The following CNGA3 variants were observed in gnomAD, a reference collection of about 807,000 sequenced individuals.
CNGA3 encodes the protein cyclic nucleotide-gated channel alpha-3.
In CNGA3, 42 loss-of-function variants were observed where a neutral mutation model predicts 46.6. The observed-to-expected ratio is 0.90, with a 90% CI of 0.70 to 1.17. The LOEUF is 1.17. CNGA3 is among the 50% of genes most tolerant of loss of function. CNGA3 has a pLI of 0.00. For synonymous variants in CNGA3, 394 were observed against 369.4 expected, an observed-to-expected ratio of 1.07 and a Z score of -0.76; for missense variants, 893 against 890.7, an observed-to-expected ratio of 1.00 and a Z score of -0.03.
rs766331925 is a variant in CNGA3, at chr2:98,396,122, G to A, written c.952G>A (p.Ala318Thr). Reference protein sequence around the residue: ...LYILIIIHWNACIYFAISKFI... With the variant: ...LYILIIIHWNTCIYFAISKFI... ...CATTCTCATCATCATCCACTGGAAT[G>A]CCTGCATCTACTTTGCCATTTCCAA... The change falls in exon 8 of 8, where the codon GCC (alanine) becomes ACC (threonine). Residue 318 changes from alanine (A) to threonine (T), a missense_variant. By Grantham distance (58) the Ala-to-Thr change is moderately conservative. Coordinates refer to ENST00000272602, the MANE Select transcript of CNGA3 (RefSeq NM_001298.3). The A allele has an allele frequency of 8.7e-6, 14 of 1,614,210 alleles. No individual in the cohort carries two copies. In the South Asian group the frequency reaches 1.4e-4, roughly 16 times the overall value.
intron 7 of CNGA3, 147 bp downstream of exon 7, chr2:98,392,117 C>A (rs562081454): frequency 2.8e-5 from 20 of 716,398 alleles, no homozygotes; most frequent in Non-Finnish European, 4.4e-5. Flanking sequence ...GTAGGTGGTG[C>A]GGCCTCAAGC....
In CNGA3 at chr2:98,380,201, G is replaced by A. The variant is rs149230055; in HGVS notation, c.242G>A (p.Arg81His). Residue 81 changes from arginine (R) to histidine (H), a missense_variant, in exon 4 of 8, where the codon CGC becomes CAC. Around this residue, in one of 3 missense-constraint regions of CNGA3, gnomAD observed 333 missense variants for 290.8 expected, o/e 1.15. Coordinates refer to ENST00000272602, the MANE Select transcript of CNGA3 (RefSeq NM_001298.3). ...ARLSRLIFLL[R>H]RWAARHVHHQ... ...CTGTCGCGCCTCATCTTCTTGCTGC[G>A]CAGGTGGGCTGCCAGGCATGTGCAC... 98 of 1,614,188 alleles carry A rather than the reference G, an allele frequency of 6.1e-5. 1 individual carries two copies. In the African/African-American group the frequency reaches 7.5e-4, roughly 12 times the overall value.
chr2:98,379,917 A>G, intron 3 of CNGA3: 1 of 565,602 alleles, frequency 1.8e-6, no homozygotes, highest in Non-Finnish European at 3.2e-6. Flanking sequence ...GGTAATAAAG[A>G]GAGTGTCCCT....
chr2:98,373,467 T>G (rs987895926), intron 2 of CNGA3, among the ~76,000 whole-genome samples: 2 of 152,128 alleles, frequency 1.3e-5, no homozygotes, highest in Non-Finnish European at 2.9e-5. Flanking sequence ...CCTCGCTGAG[T>G]GCCCCCAAGA....
intron 1 of CNGA3, among the ~76,000 whole-genome samples, chr2:98,365,712 T>C (rs952626355): frequency 6.6e-6 from 1 of 152,214 alleles, no homozygotes; most frequent in Non-Finnish European, 1.5e-5. Context: ...CATTGATACT[T>C]GTGAAGTTCT....
intron 1 of CNGA3, among the ~76,000 whole-genome samples, chr2:98,353,430 GT>G (rs1691811865): frequency 6.6e-6 from 1 of 152,146 alleles, no homozygotes; most frequent in Non-Finnish European, 1.5e-5. Flanking sequence ...GCATTGTAGG[GT>G]TTTATTATAT....
chr2:98,373,141 G>T (rs1396256569), intron 2 of CNGA3, among the ~76,000 whole-genome samples: 1 of 152,122 alleles, frequency 6.6e-6, no homozygotes, highest in Non-Finnish European at 1.5e-5. Context: ...AGGGATGGAG[G>T]CTGGGCCCAG....
chr2:98,369,067 C>T (rs187565885), intron 1 of CNGA3, among the ~76,000 whole-genome samples: 3 of 152,326 alleles, frequency 2.0e-5, no homozygotes, highest in Non-Finnish European at 2.9e-5. Flanking sequence ...CTCATTCTAA[C>T]TTGGTGGCTG....
chr2:98,367,504 G>T (rs956607575), intron 1 of CNGA3, among the ~76,000 whole-genome samples: 2 of 152,096 alleles, frequency 1.3e-5, no homozygotes, highest in African/African-American at 4.8e-5. Flanking sequence ...GACCTCAGCT[G>T]TTTCTAGTCA....
At chr2:98,370,218 C>T in intron 2 of CNGA3, 142 bp downstream of exon 2, 1 of 716,294 alleles carries the variant, frequency 1.4e-6, no homozygotes, top group South Asian at 1.5e-5. Context: ...GCACTGCCAA[C>T]TTCATTTTTC....
chr2:98,392,369 G>A (rs1307179118), intron 7 of CNGA3, among the ~76,000 whole-genome samples: 1 of 152,144 alleles, frequency 6.6e-6, no homozygotes, highest in Admixed American at 6.5e-5. Context: ...AGACCAGCCT[G>A]GCCAACATGG....
chr2:98,395,192 CAG>C (rs1424564884), intron 7 of CNGA3, among the ~76,000 whole-genome samples: 2 of 151,744 alleles, frequency 1.3e-5, no homozygotes, highest in Non-Finnish European at 2.9e-5. Context: ...TTCAAAGACT[CAG>C]AGTCTCACTC....
At chr2:98,371,959 C>T (rs566195054) in intron 2 of CNGA3, among the ~76,000 whole-genome samples, 5 of 152,322 alleles carry the variant, frequency 3.3e-5, no homozygotes, top group African/African-American at 1.2e-4. Context: ...GATTTTGAAG[C>T]AGAATGGAAC....
Position 98,380,271 on chromosome 2 carries a change from A to T in CNGA3, c.312A>T (p.Gly104=), listed in dbSNP as rs200853632. The part of the protein sequence containing the change: ...GPDSFPDRFR[G]AELKEVSSQE... ...ACTCTTTTCCTGATCGTTTCCGTGG[A>T]GCCGAGCTTAAGGAGGTGTCCAGCC... Residue 104 remains glycine (G), a synonymous_variant, in exon 4 of 8, where the codon GGA becomes GGT. Coordinates refer to ENST00000272602, the MANE Select transcript of CNGA3 (RefSeq NM_001298.3). 1.9e-6 allele frequency: 3 copies of T among 1,614,152 alleles called. No homozygotes were observed. The highest frequency in any genetic ancestry group is 2.5e-6 in the Non-Finnish European group (3 of 1,180,038).
chr2:98,359,592 G>C (rs950160604), intron 1 of CNGA3, among the ~76,000 whole-genome samples: 1 of 152,174 alleles, frequency 6.6e-6, no homozygotes, highest in Non-Finnish European at 1.5e-5. Flanking sequence ...CCTTGGAGTT[G>C]AGCCTGAGAG....
intron 3 of CNGA3, among the ~76,000 whole-genome samples, chr2:98,379,596 C>A (rs1692492160): frequency 6.6e-6 from 1 of 152,180 alleles, no homozygotes; most frequent in Admixed American, 6.5e-5. Flanking sequence ...TGCAAAGGAA[C>A]CTCCCAGGCC....
At chr2:98,359,631 G>C (rs1045793404) in intron 1 of CNGA3, among the ~76,000 whole-genome samples, 1 of 152,166 alleles carries the variant, frequency 6.6e-6, no homozygotes, top group Non-Finnish European at 1.5e-5. Context: ...GCTGATCTCT[G>C]GTTCCCTGCC....
At chr2:98,385,871 A>T (rs1218165467) in intron 5 of CNGA3, among the ~76,000 whole-genome samples, 1 of 152,130 alleles carries the variant, frequency 6.6e-6, no homozygotes, top group African/African-American at 2.4e-5. Flanking sequence ...AAGGTGGGGT[A>T]GGTGCCGTAA....
intron 1 of CNGA3, among the ~76,000 whole-genome samples, chr2:98,360,552 A>ATT: frequency 1.1e-5 from 1 of 92,774 alleles, no homozygotes; most frequent in East Asian, 2.9e-4. Flanking sequence ...GCTCTCTAAT[A>ATT]AAGCCCCAGC....
Sources: gnomAD v4.1 joint callset for allele counts (sites outside exome capture counted in the v4.1 genomes callset) on GRCh38, gnomAD v4.1.1 for gene constraint, gnomAD v4.1.1 regional missense constraint, MANE v1.5 for transcripts, NCBI Gene and HGNC (gene_info 2026-07-23, HGNC 2026-07-21) for gene names.